TEK: variants seen among roughly 807,000 people sequenced by gnomAD.
The protein encoded by TEK is TEK receptor tyrosine kinase.
A neutral mutation model predicts 131.8 loss-of-function variants in TEK; 43 were observed. That is an observed-to-expected ratio of 0.33 (90% CI 0.26 to 0.42). The LOEUF (loss-of-function observed/expected upper bound fraction) is 0.42. TEK is among the 10% of genes least tolerant of loss of function. The pLI is 1.00. For synonymous variants in TEK, 580 were observed against 491.6 expected, an observed-to-expected ratio of 1.18 and a Z score of -2.38; for missense variants, 1,162 against 1,384.4, an observed-to-expected ratio of 0.84 and a Z score of 2.55.
intron 1 of TEK, among the ~76,000 whole-genome samples, chr9:27,145,988 C>T (rs1822903004): frequency 6.6e-6 from 1 of 152,196 alleles, no homozygotes; most frequent in African/African-American, 2.4e-5. Context: ...CCCCATGTGC[C>T]TGCCAGTTTT....
intron 1 of TEK, among the ~76,000 whole-genome samples, chr9:27,121,922 A>G (rs1036400369): frequency 6.6e-6 from 1 of 152,224 alleles, no homozygotes. Flanking sequence ...GACATAAACA[A>G]AGTGAAACAG....
rs982034682 is a variant in TEK at position 27,109,494 on chromosome 9, C to T, written c.-97C>T. 1 of 1,227,724 alleles carries T rather than the reference C, an allele frequency of 8.1e-7. No individual in the cohort carries two copies. The highest frequency in any genetic ancestry group is 1.2e-6 in the Non-Finnish European group (1 of 827,712). 76.1% of individuals were successfully genotyped at this position (1,227,724 alleles called of 1,614,324 possible). A position where few individuals can be genotyped will look rare whatever the true frequency, so the allele number is the denominator to read the frequency against. On this transcript the variant is annotated 5_prime_UTR_variant, in exon 1 of 23. In the 5' UTR this introduces an upstream ATG that the reference lacks. Transcript: ENST00000380036. ...AACTTGTAAACAAGACGTAGTAGGA[C>T]GATGCTAATGGAAAGTCACAAACCG...
At chr9:27,217,910 A>G in intron 19 of TEK, 152 bp downstream of exon 19, 1 of 756,440 alleles carries the variant, frequency 1.3e-6, no homozygotes, top group Admixed American at 2.1e-5. Flanking sequence ...GAATAAAGCC[A>G]CAGAGTAGAC....
At chr9:27,167,392 T>C (rs1823773178) in intron 2 of TEK, among the ~76,000 whole-genome samples, 1 of 152,198 alleles carries the variant, frequency 6.6e-6, no homozygotes, top group Non-Finnish European at 1.5e-5. Context: ...CGTGCCCGGC[T>C]AATTTTTGTA....
chr9:27,197,229 C>T (rs1825059813), intron 11 of TEK, 86 bp from the exon 12 acceptor site: 1 of 1,455,326 alleles, frequency 6.9e-7, no homozygotes, highest in Middle Eastern at 1.8e-4. Context: ...CTGGGGATTA[C>T]ATTTCAGTAT....
chr9:27,158,916 C>G (rs1248788048), intron 2 of TEK, among the ~76,000 whole-genome samples: 3 of 152,208 alleles, frequency 2.0e-5, no homozygotes, highest in African/African-American at 7.2e-5. Flanking sequence ...GCCATGGCCT[C>G]CCAAAGTGTT....
intron 2 of TEK, among the ~76,000 whole-genome samples, chr9:27,168,028 T>G (rs575454431): frequency 2.0e-5 from 3 of 152,178 alleles, no homozygotes; most frequent in Non-Finnish European, 2.9e-5. Flanking sequence ...CAAAAATATT[T>G]GAGAGCCAAT....
Position 27,190,668 on chromosome 9 carries a change from T to C in TEK, c.1467T>C (p.Tyr489=), listed in dbSNP as rs754557263. The change falls in exon 10 of 23, where the codon TAT becomes TAC. Residue 489 remains tyrosine (Y), a synonymous_variant. Coordinates refer to ENST00000380036, the MANE Select transcript of TEK (RefSeq NM_000459.5). The part of the protein sequence containing the change: ...KKLLYKPVNH[Y]EAWQHIQVTN... ...TTCTATACAAACCCGTTAATCACTA[T>C]GAGGCTTGGCAACATATTCAAGGTA... 18 of 1,613,852 alleles carry C rather than the reference T, an allele frequency of 1.1e-5. No individual in the cohort carries two copies. Among genetic ancestry groups the C allele is most frequent in the Non-Finnish European group, 1.4e-5 (17 of 1,179,872 alleles).
At chr9:27,117,070 T>C (rs1821597009) in intron 1 of TEK, among the ~76,000 whole-genome samples, 1 of 151,792 alleles carries the variant, frequency 6.6e-6, no homozygotes, top group East Asian at 1.9e-4. Flanking sequence ...TTTCACTGTG[T>C]TAGCCAGGAT....
At chr9:27,181,197 G>A (rs1446184099) in intron 7 of TEK, among the ~76,000 whole-genome samples, 7 of 152,212 alleles carry the variant, frequency 4.6e-5, no homozygotes, top group East Asian at 3.9e-4. Flanking sequence ...TTCTGTTGAC[G>A]AGAAGCCTTA....
intron 21 of TEK, among the ~76,000 whole-genome samples, chr9:27,225,512 GGC>G (rs1826283419): frequency 1.3e-5 from 2 of 152,154 alleles, no homozygotes; most frequent in African/African-American, 4.8e-5. Flanking sequence ...TTTAATAAAT[GGC>G]GTTGGGAAAA....
intron 1 of TEK, among the ~76,000 whole-genome samples, chr9:27,120,551 G>T (rs1338382203): frequency 6.6e-6 from 1 of 152,260 alleles, no homozygotes; most frequent in Admixed American, 6.5e-5. Flanking sequence ...AGGATGCATT[G>T]TCAAGCTGGC....
At chr9:27,177,101 C>CGAAT (rs758213285) in intron 6 of TEK, among the ~76,000 whole-genome samples, 5 of 152,104 alleles carry the variant, frequency 3.3e-5, no homozygotes, top group Non-Finnish European at 7.4e-5. Flanking sequence ...CATGGATGGA[C>CGAAT]GAATGGTCAA....
At chr9:27,135,031 C>G (rs1051382913) in intron 1 of TEK, among the ~76,000 whole-genome samples, 10 of 152,098 alleles carry the variant, frequency 6.6e-5, no homozygotes, top group African/African-American at 1.9e-4. Flanking sequence ...TGAAGACCAG[C>G]CTGCCCAACA....
At chr9:27,196,576 G>A (rs185478939) in intron 11 of TEK, among the ~76,000 whole-genome samples, 2 of 152,078 alleles carry the variant, frequency 1.3e-5, no homozygotes, top group Non-Finnish European at 2.9e-5. Flanking sequence ...AAAGAGGTTT[G>A]GCTTTTTACC....
At chr9:27,137,683 A>AGCTGT (rs71492733) in intron 1 of TEK, among the ~76,000 whole-genome samples, 78,221 of 151,692 alleles carry the variant, frequency 0.52, 21,104 homozygotes, top group African/African-American at 0.56. Context: ...TCTTAACAAG[A>AGCTGT]TTTACTTCGT....
Position 27,209,225 on chromosome 9 carries a change from C to A in TEK, c.2680C>A (p.His894Asn). 3.7e-6 allele frequency: 6 copies of A among 1,610,690 alleles called. No homozygotes were observed. Among genetic ancestry groups the A allele is most frequent in the Non-Finnish European group, 3.4e-6 (4 of 1,176,924 alleles). Residue 894 changes from histidine to asparagine, a missense_variant, in exon 16 of 23, where the codon CAT (histidine) becomes AAT (asparagine). By Grantham distance (68) the His-to-Asn change is moderately conservative. This residue lies in a region of TEK where 57 missense variants were observed against 100.8 expected (regional missense o/e 0.57). Coordinates refer to ENST00000380036, the MANE Select transcript of TEK (RefSeq NM_000459.5). Reference protein sequence around the residue: ...NIINLLGACEHRGYLYLAIEY... With the variant: ...NIINLLGACENRGYLYLAIEY... ...CATCAATCTCTTAGGAGCATGTGAA[C>A]ATCGAGGTAAGATGCTCTTTTCCTG...
intron 22 of TEK, 41 bp downstream of exon 22, chr9:27,228,346 C>A: frequency 1.4e-6 from 2 of 1,451,016 alleles, no homozygotes; most frequent in Non-Finnish European, 1.9e-6. Flanking sequence ...AATTGGAATA[C>A]CTGATGTGCC....
intron 1 of TEK, among the ~76,000 whole-genome samples, chr9:27,117,160 C>T (rs1363828709): frequency 1.4e-4 from 22 of 152,064 alleles, no homozygotes; most frequent in South Asian, 8.3e-4. Context: ...CCACTGCGCC[C>T]GGCCGGAAAG....
Sources: allele counts gnomAD v4.1 joint callset (sites outside exome capture counted in the v4.1 genomes callset), GRCh38; gene constraint gnomAD v4.1.1; regional missense constraint gnomAD v4.1.1; transcripts MANE v1.5; gene names NCBI Gene and HGNC (gene_info 2026-07-23, HGNC 2026-07-21).